The following ADI1 variants were observed in gnomAD, a reference collection of about 807,000 sequenced individuals.
The protein encoded by ADI1 is acireductone dioxygenase.
A neutral mutation model predicts 18.7 loss-of-function variants in ADI1; 21 were observed. The ratio of observed to expected loss-of-function variants is 1.13; its 90% CI spans 0.80 to 1.62. The LOEUF is 1.62. Ranked by LOEUF, ADI1 falls within the 40% of genes most tolerant of loss-of-function variation. The probability of loss-of-function intolerance (pLI) is 0.00; values close to 1 mark genes in which losing one functional copy is unlikely to be tolerated. For missense variants in ADI1, 245 were observed against 254.9 expected, an observed-to-expected ratio of 0.96 and a Z score of 0.26; for synonymous variants, 90 against 100.1, an observed-to-expected ratio of 0.90 and a Z score of 0.60.
chr2:3,505,646 T>C (rs1667159790), intron 2 of ADI1, among the ~76,000 whole-genome samples: 1 of 152,208 alleles, frequency 6.6e-6, no homozygotes, highest in Non-Finnish European at 1.5e-5. Flanking sequence ...TGGGCTTTCA[T>C]GAGAGCCTGA....
intron 2 of ADI1, among the ~76,000 whole-genome samples, chr2:3,506,777 A>C (rs1016437947): frequency 6.6e-6 from 1 of 152,256 alleles, no homozygotes; most frequent in African/African-American, 2.4e-5. Context: ...AACCGACACT[A>C]CCTGACTTCA....
chr2:3,509,301 C>G (rs1382983562), intron 2 of ADI1, among the ~76,000 whole-genome samples: 1 of 152,082 alleles, frequency 6.6e-6, no homozygotes, highest in Non-Finnish European at 1.5e-5. Flanking sequence ...TATAGTTGAT[C>G]TGAATAATAC....
Position 3,503,437 on chromosome 2 carries a change from ACT to A in ADI1, c.241-2446_241-2445del, listed in dbSNP as rs1237682237. Among the ~76,000 whole-genome samples, 3 of 150,790 alleles carry A rather than the reference ACT, an allele frequency of 2.0e-5. 1 individual carries two copies. Among genetic ancestry groups the A allele is most frequent in the East Asian group, 2.0e-4 (1 of 5,118 alleles). ...CACGTACACACACGAGTGCATTCAC[ACT>A]CATGCACACATACGGACGTACACTC... On this transcript the variant is annotated intron_variant, in intron 2 of 3. Coordinates refer to ENST00000327435, the MANE Select transcript of ADI1 (RefSeq NM_018269.4).
rs1394995709 is a variant in ADI1, at chr2:3,519,390, C to T, written c.98G>A (p.Arg33Gln). 3.2e-5 allele frequency: 45 copies of T among 1,427,284 alleles called. No homozygotes were observed. The highest frequency in any genetic ancestry group is 4.0e-5 in the Non-Finnish European group (44 of 1,097,778). 88.4% of individuals were successfully genotyped at this position (1,427,284 alleles called of 1,614,324 possible). The change falls in exon 1 of 4, where the codon CGG (arginine) becomes CAG (glutamine). Residue 33 changes from arginine (R) to glutamine (Q), a missense_variant. By Grantham distance (43) the Arg-to-Gln change is conservative. Transcript: ENST00000327435. The part of the protein sequence containing the change: ...GRPVGLEQLR[R>Q]LGVLYWKLDA... ...TACCTTCCAGTAGAGCACCCCGAGC[C>T]GCCGCAGCTGCTCCAGGCCCACTGG...
intron 1 of ADI1, among the ~76,000 whole-genome samples, chr2:3,514,514 A>C (rs927407955): frequency 5.3e-5 from 8 of 152,342 alleles, no homozygotes; most frequent in Admixed American, 3.9e-4. Flanking sequence ...TTTTTAAAGA[A>C]CTCTACATTC....
chr2:3,519,221 G>GA, intron 1 of ADI1, 147 bp downstream of exon 1: 2 of 1,207,334 alleles, frequency 1.7e-6, no homozygotes, highest in South Asian at 4.8e-5. Flanking sequence ...ACCGGGAGCC[G>GA]CCACGAACCC....
chr2:3,519,179 C>A, intron 1 of ADI1, 189 bp downstream of exon 1: 1 of 825,316 alleles, frequency 1.2e-6, no homozygotes, highest in Non-Finnish European at 1.7e-6. Context: ...CCACCCAGCC[C>A]CACTGCTGAG....
rs191945648 is a variant in ADI1, at chr2:3,500,710, G to A, written c.420+104C>T. On this transcript the variant is annotated intron_variant, in intron 3 of 3. Transcript: ENST00000327435. ...CAGGTCGAGGAGTCCCGAGCCCAGC[G>A]ACCGCGCTTGGAGTCTGCGGAAGCC... The A allele has an allele frequency of 2.8e-3, 4,221 of 1,484,120 alleles. 14 individuals are homozygous for A. Among genetic ancestry groups the A allele is most frequent in the South Asian group, 3.7e-3 (322 of 85,958 alleles). 91.9% of individuals were successfully genotyped at this position (1,484,120 alleles called of 1,614,324 possible). A position where few individuals can be genotyped will look rare whatever the true frequency, so the allele number is the denominator to read the frequency against.
chr2:3,514,423 A>C (rs1667356333), intron 1 of ADI1, among the ~76,000 whole-genome samples: 1 of 152,182 alleles, frequency 6.6e-6, no homozygotes, highest in Non-Finnish European at 1.5e-5. Context: ...ATAAAACTCA[A>C]GTTAATTAAA....
At position 3,507,756 on chromosome 2, in the gene ADI1, A is replaced by C. The variant is rs1174439489; in HGVS notation, c.240+6101T>G. Among the ~76,000 whole-genome samples, 5 of 152,316 alleles carry C rather than the reference A, an allele frequency of 3.3e-5. No homozygotes were observed. In the South Asian group the frequency reaches 1.0e-3, roughly 32 times the overall value. Reference sequence around the variant, plus strand: ...AATAAGAAGAAAACTAAAATCTTTTATTTCTTTGTTCTTCATTGATCTAAT... The same window carrying C: ...AATAAGAAGAAAACTAAAATCTTTTCTTTCTTTGTTCTTCATTGATCTAAT... On this transcript the variant is annotated intron_variant, in intron 2 of 3. Transcript: ENST00000327435.
intron 2 of ADI1, among the ~76,000 whole-genome samples, chr2:3,505,136 T>C (rs548954918): frequency 6.6e-5 from 10 of 152,272 alleles, no homozygotes; most frequent in Non-Finnish European, 1.0e-4. Context: ...CGTATGTTTA[T>C]ATTGTTTGTT....
chr2:3,510,036 A>G lies in ADI1; in HGVS notation c.240+3821T>C, dbSNP rs150090676. Among the ~76,000 whole-genome samples, 533 of 151,746 alleles carry G rather than the reference A, an allele frequency of 3.5e-3. 3 individuals are homozygous for G. The highest frequency in any genetic ancestry group is 0.012 in the African/African-American group (510 of 41,358). On this transcript the variant is annotated intron_variant, in intron 2 of 3. Transcript: ENST00000327435. ...CGTATGTCTGTAATCCCAGCTACTCAGGAGGCTGAGGCAGGAGAATTGCTT... is the reference window on the plus strand; with the variant it reads ...CGTATGTCTGTAATCCCAGCTACTCGGGAGGCTGAGGCAGGAGAATTGCTT...
At chr2:3,500,398 A>C (rs1261918827) in intron 3 of ADI1, among the ~76,000 whole-genome samples, 1 of 152,274 alleles carries the variant, frequency 6.6e-6, no homozygotes, top group Admixed American at 6.5e-5. Context: ...TGTTTTTAAA[A>C]GTGACAGTAT....
At chr2:3,514,744 T>C (rs1432478116) in intron 1 of ADI1, 8 of 1,524,460 alleles carry the variant, frequency 5.2e-6, no homozygotes, top group East Asian at 2.5e-5. Context: ...TTAAAACTAC[T>C]GGCAGTGAAT....
intron 2 of ADI1, among the ~76,000 whole-genome samples, chr2:3,512,230 G>C (rs1667307167): frequency 6.6e-6 from 1 of 152,222 alleles, no homozygotes; most frequent in African/African-American, 2.4e-5. Flanking sequence ...AAGAAGCCAA[G>C]GGCTGACAGC....
In ADI1 at chr2:3,514,764, T is replaced by C. The variant is rs780824773; in HGVS notation, c.121-788A>G. The C allele has an allele frequency of 3.9e-6, 6 of 1,542,244 alleles. No individual in the cohort carries two copies. The African/African-American group carries it at 5.5e-5, about 14-fold the overall frequency. ...ACTACTGGCAGTGAATCTAGCACAC[T>C]TTATGTTTTGCAATAAACTGCACAT... On this transcript the variant is annotated intron_variant, in intron 1 of 3. Coordinates refer to ENST00000327435, the MANE Select transcript of ADI1 (RefSeq NM_018269.4).
chr2:3,499,158 C>G lies in ADI1; in HGVS notation c.421-76G>C, dbSNP rs1666936574. The G allele has an allele frequency of 2.6e-6, 4 of 1,541,572 alleles. No homozygotes were observed. The African/African-American group carries it at 5.5e-5, about 21-fold the overall frequency. ...TACTTAGTATTTATTAACATATCAA[C>G]TTGTTAACATTAATTGCTATAAACA... On this transcript the variant is annotated intron_variant, in intron 3 of 3. Transcript: ENST00000327435.
At chr2:3,500,488 C>A in intron 3 of ADI1, 2 of 473,536 alleles carry the variant, frequency 4.2e-6, no homozygotes, top group South Asian at 5.5e-5. Context: ...CACCGCCAAG[C>A]AAGGGCTGGG....
At chr2:3,511,205 G>A (rs553065869) in intron 2 of ADI1, among the ~76,000 whole-genome samples, 17 of 152,240 alleles carry the variant, frequency 1.1e-4, no homozygotes, top group African/African-American at 3.9e-4. Flanking sequence ...CCTGTTATGT[G>A]AGATGCCTGC....
Sources: gnomAD v4.1 joint callset for allele counts (sites outside exome capture counted in the v4.1 genomes callset) on GRCh38, gnomAD v4.1.1 for gene constraint, MANE v1.5 for transcripts, NCBI Gene and HGNC (gene_info 2026-07-23, HGNC 2026-07-21) for gene names.